TMEM175: variants seen among roughly 807,000 people sequenced by gnomAD.
TMEM175 encodes transmembrane protein 175.
TMEM175 carries 36 observed loss-of-function variants against 36.5 expected under a neutral mutation model. The ratio of observed to expected loss-of-function variants is 0.99; its 90% CI spans 0.76 to 1.30. The LOEUF (loss-of-function observed/expected upper bound fraction) is 1.30. TMEM175 is among the 50% of genes most tolerant of loss of function. TMEM175 has a pLI of 0.00. For missense variants in TMEM175, 705 were observed against 692.8 expected, an observed-to-expected ratio of 1.02 and a Z score of -0.20; for synonymous variants, 339 against 313.4, an observed-to-expected ratio of 1.08 and a Z score of -0.86.
chr4:952,341 G>A, intron 6 of TMEM175, 26 bp from the exon 7 acceptor site: 3 of 1,604,812 alleles, frequency 1.9e-6, no homozygotes, highest in Non-Finnish European at 2.6e-6. Context: ...ATTTGGGGGG[G>A]TTTGGTTTTG....
At chr4:957,297 G>A (rs1165830714) in intron 10 of TMEM175, among the ~76,000 whole-genome samples, 2 of 152,208 alleles carry the variant, frequency 1.3e-5, no homozygotes, top group Non-Finnish European at 2.9e-5. Flanking sequence ...TCTGGGTGGT[G>A]CCGTCAGAAG....
chr4:957,676 G>A (rs892935674), intron 10 of TMEM175, 148 bp from the exon 11 acceptor site: 8 of 740,670 alleles, frequency 1.1e-5, no homozygotes, highest in African/African-American at 3.5e-5. Context: ...TAAATACGGC[G>A]TTCTGAAATT....
At chr4:947,061 A>AGAGCGG in intron 1 of TMEM175, among the ~76,000 whole-genome samples, 1 of 139,412 alleles carries the variant, frequency 7.2e-6, no homozygotes. Flanking sequence ...GCCGAGACCG[A>AGAGCGG]GGGAGAGCGC....
intron 8 of TMEM175, among the ~76,000 whole-genome samples, chr4:955,126 G>C (rs763875677): frequency 1.3e-4 from 20 of 152,096 alleles, no homozygotes; most frequent in Non-Finnish European, 2.4e-4. Flanking sequence ...ATTTTTCGTA[G>C]AGATACAGTC....
At chr4:948,354 C>T (rs1202656015) in intron 3 of TMEM175, 200 bp downstream of exon 3, 2 of 1,534,196 alleles carry the variant, frequency 1.3e-6, no homozygotes, top group African/African-American at 2.7e-5. Context: ...CGGCGGAGGT[C>T]CTGGCCTCCT....
At chr4:952,082 C>CT (rs1728961831) in intron 6 of TMEM175, 1 of 587,220 alleles carries the variant, frequency 1.7e-6, no homozygotes, top group Non-Finnish European at 3.0e-6. Flanking sequence ...GGCCGCTAGT[C>CT]TGAGTGTGCG....
intron 7 of TMEM175, 43 bp downstream of exon 7, chr4:952,493 TG>T: frequency 7.0e-7 from 1 of 1,428,166 alleles, no homozygotes; most frequent in Non-Finnish European, 9.5e-7. Context: ...TGTGTGTGTG[TG>T]TGTGTGTGTG....
chr4:950,879 G>A (rs1174274296), intron 4 of TMEM175, among the ~76,000 whole-genome samples: 1 of 151,172 alleles, frequency 6.6e-6, no homozygotes, highest in Non-Finnish European at 1.5e-5. Context: ...AGTAGGTGGA[G>A]GTGTGGATGG....
intron 1 of TMEM175, among the ~76,000 whole-genome samples, chr4:937,889 G>C (rs1441010371): frequency 6.6e-6 from 1 of 152,026 alleles, no homozygotes; most frequent in Non-Finnish European, 1.5e-5. Flanking sequence ...CTTAGCATTT[G>C]AAAGTTTATC....
At chr4:948,650 C>CTTACAGCCA in intron 3 of TMEM175, 2 of 1,236,872 alleles carry the variant, frequency 1.6e-6, no homozygotes, top group South Asian at 2.7e-5. Context: ...AGAGTTTCCA[C>CTTACAGCCA]CTTGACTGTT....
rs376563142 is a variant in TMEM175 at position 951,245 on chromosome 4, C to A, written c.329C>A (p.Ala110Asp). The stretch of plus-strand genomic sequence containing the variant: ...GTTGGGAAAACAGACGACACACTTG[C>A]CCTGCTCAACCTGGTGAGTATTTTC... ...QVVGKTDDTL[A>D]LLNLACMMTI... Residue 110 changes from alanine (A) to aspartate (D), a missense_variant, in exon 5 of 11, where the codon GCC becomes GAC. Physicochemically the swap from Ala to Asp is moderately radical, Grantham distance 126. Coordinates refer to ENST00000264771, the MANE Select transcript of TMEM175 (RefSeq NM_032326.4). The A allele has an allele frequency of 6.2e-7, 1 of 1,614,070 alleles. No homozygotes were observed. Among genetic ancestry groups the A allele is most frequent in the Non-Finnish European group, 8.5e-7 (1 of 1,179,982 alleles).
At chr4:950,343 C>A (rs560156686) in intron 3 of TMEM175, 78 bp from the exon 4 acceptor site, 7 of 1,220,348 alleles carry the variant, frequency 5.7e-6, no homozygotes, top group East Asian at 4.6e-5. Flanking sequence ...GCCAGCCCCC[C>A]CTCACGGTGC....
intron 1 of TMEM175, among the ~76,000 whole-genome samples, chr4:938,593 A>G (rs1367850795): frequency 6.6e-6 from 1 of 152,234 alleles, no homozygotes; most frequent in Non-Finnish European, 1.5e-5. Context: ...AAATATGCAA[A>G]AATCAATTCT....
chr4:944,021 A>G (rs1485512266), intron 1 of TMEM175, among the ~76,000 whole-genome samples: 2 of 152,180 alleles, frequency 1.3e-5, no homozygotes, highest in African/African-American at 4.8e-5. Flanking sequence ...GGCTGGGTGC[A>G]GTGGCTCACG....
intron 1 of TMEM175, among the ~76,000 whole-genome samples, chr4:945,522 A>G (rs577549106): frequency 5.9e-5 from 9 of 152,106 alleles, no homozygotes; most frequent in African/African-American, 1.7e-4. Flanking sequence ...CCTGATTGCT[A>G]GTGAAGTGGA....
rs370082052 is a variant in TMEM175, at chr4:958,186, C to A, written c.1205C>A (p.Ala402Glu). ...TGGACCACGGCGCTGCTGCACCAGG[C>A]GGAGACGCTGCAGCCCTCGGTGTGG... is the stretch of plus-strand genomic sequence containing the variant. ...AMWTTALLHQ[A>E]ETLQPSVWFG... is the part of the protein sequence containing the mutation. The change falls in exon 11 of 11, where the codon GCG becomes GAG. Residue 402 changes from alanine (A) to glutamate (E), a missense_variant. Coordinates refer to ENST00000264771, the MANE Select transcript of TMEM175 (RefSeq NM_032326.4). 5 of 1,603,282 alleles carry A rather than the reference C, an allele frequency of 3.1e-6. No homozygotes were observed. The highest frequency in any genetic ancestry group is 4.2e-6 in the Non-Finnish European group (5 of 1,178,392).
rs762205651 is a variant in TMEM175, at chr4:953,261, G to A, written c.534G>A (p.Arg178=). The A allele has an allele frequency of 1.1e-5, 17 of 1,613,970 alleles. No homozygotes were observed. The highest frequency in any genetic ancestry group is 1.4e-5 in the Non-Finnish European group (17 of 1,179,942). The change falls in exon 8 of 11, where the codon AGG becomes AGA. Residue 178 remains arginine (R), a synonymous_variant. Transcript: ENST00000264771. ...LSPQIQRSAH[R]ALYRRHVLGI... ...CGCAGATCCAGCGCTCTGCCCACAG[G>A]GCTCTGTACCGACGACACGTCCTGG...
At chr4:940,873 G>A (rs1008075115) in intron 1 of TMEM175, among the ~76,000 whole-genome samples, 1 of 151,812 alleles carries the variant, frequency 6.6e-6, no homozygotes, top group Non-Finnish European at 1.5e-5. Context: ...AGGCGTGGTG[G>A]CGTGTGCCTG....
At chr4:938,792 T>C (rs1179185255) in intron 1 of TMEM175, among the ~76,000 whole-genome samples, 10 of 152,188 alleles carry the variant, frequency 6.6e-5, no homozygotes, top group African/African-American at 2.4e-4. Context: ...ATTCATAAAC[T>C]AGGAGATTCA....
Sources: gnomAD v4.1 joint callset for allele counts (sites outside exome capture counted in the v4.1 genomes callset) on GRCh38, gnomAD v4.1.1 for gene constraint, MANE v1.5 for transcripts, NCBI Gene and HGNC (gene_info 2026-07-23, HGNC 2026-07-21) for gene names.